SKAP1: variants seen among roughly 807,000 people sequenced by gnomAD.
SKAP1 encodes src kinase associated phosphoprotein 1, also known as src kinase-associated phosphoprotein 1.
SKAP1 carries 44 observed loss-of-function variants against 58.5 expected under a neutral mutation model. The observed-to-expected ratio is 0.75, with a 90% CI of 0.59 to 0.97. SKAP1 has a LOEUF of 0.97. Among genes scored for constraint, SKAP1 ranks in the 50% least tolerant of loss-of-function variants. The pLI is 0.00. For synonymous variants in SKAP1, 127 were observed against 149.7 expected, an observed-to-expected ratio of 0.85 and a Z score of 1.11; for missense variants, 390 against 435.2, an observed-to-expected ratio of 0.90 and a Z score of 0.92.
intron 2 of SKAP1, among the ~76,000 whole-genome samples, chr17:48,389,411 A>G (rs1429246152): frequency 2.0e-5 from 3 of 152,260 alleles, no homozygotes; most frequent in African/African-American, 4.8e-5. Context: ...AGAAATATGA[A>G]GAAACTACAT....
chr17:48,430,017 T>TG (rs2067898098), intron 1 of SKAP1, 58 bp downstream of exon 1: 20 of 1,235,752 alleles, frequency 1.6e-5, no homozygotes, highest in Admixed American at 4.2e-5. Context: ...GTGGGAGGCC[T>TG]GGTGTCCCCT....
At chr17:48,173,573 T>C (rs2064246555) in intron 9 of SKAP1, among the ~76,000 whole-genome samples, 1 of 152,218 alleles carries the variant, frequency 6.6e-6, no homozygotes, top group Non-Finnish European at 1.5e-5. Context: ...GTTTTAGAGA[T>C]ACCCAATAAT....
chr17:48,377,949 C>A (rs997332323), intron 2 of SKAP1, among the ~76,000 whole-genome samples: 4 of 152,214 alleles, frequency 2.6e-5, no homozygotes, highest in African/African-American at 7.2e-5. Context: ...CCAAACTTCT[C>A]CTACCCCTGT....
At chr17:48,384,852 A>C (rs2067257045) in intron 2 of SKAP1, among the ~76,000 whole-genome samples, 1 of 152,176 alleles carries the variant, frequency 6.6e-6, no homozygotes, top group Non-Finnish European at 1.5e-5. Context: ...GGAGAACTGC[A>C]GCTGAGCTGT....
chr17:48,340,930 G>A (rs2066642885), intron 4 of SKAP1, among the ~76,000 whole-genome samples: 1 of 152,158 alleles, frequency 6.6e-6, no homozygotes, highest in Non-Finnish European at 1.5e-5. Flanking sequence ...AAGAGTAGAT[G>A]TCTACAGAGG....
intron 4 of SKAP1, among the ~76,000 whole-genome samples, chr17:48,270,753 A>G (rs1196725809): frequency 2.6e-5 from 4 of 152,128 alleles, no homozygotes; most frequent in African/African-American, 9.7e-5. Flanking sequence ...TTTTTTACCA[A>G]AAAAGTAGAT....
intron 1 of SKAP1, among the ~76,000 whole-genome samples, chr17:48,416,463 A>C (rs1378318465): frequency 6.6e-6 from 1 of 152,188 alleles, no homozygotes; most frequent in Non-Finnish European, 1.5e-5. Context: ...GGTGGTGGGC[A>C]GGGACTAAAA....
intron 11 of SKAP1, among the ~76,000 whole-genome samples, chr17:48,138,516 C>CCT (rs1714238793): frequency 6.6e-6 from 1 of 151,640 alleles, no homozygotes; most frequent in Non-Finnish European, 1.5e-5. Flanking sequence ...ATTACAGGCG[C>CCT]GCACCACCAC....
chr17:48,292,507 A>C (rs1434670371), intron 4 of SKAP1, among the ~76,000 whole-genome samples: 3 of 152,236 alleles, frequency 2.0e-5, no homozygotes, highest in Non-Finnish European at 4.4e-5. Context: ...ACATATTTTA[A>C]GATACCAAGA....
At chr17:48,184,902 G>A in intron 6 of SKAP1, 55 bp from the exon 7 acceptor site, 1 of 1,565,228 alleles carries the variant, frequency 6.4e-7, no homozygotes, top group South Asian at 1.1e-5. Context: ...GCCAAGGGAA[G>A]GCATCCTCTC....
chr17:48,152,719 C>T (rs1452576070), intron 11 of SKAP1, among the ~76,000 whole-genome samples: 1 of 152,202 alleles, frequency 6.6e-6, no homozygotes, highest in Non-Finnish European at 1.5e-5. Flanking sequence ...TAAAAAATTA[C>T]TCAGTGATGA....
At chr17:48,322,770 C>A (rs2066385407) in intron 4 of SKAP1, among the ~76,000 whole-genome samples, 1 of 152,208 alleles carries the variant, frequency 6.6e-6, no homozygotes, top group Admixed American at 6.5e-5. Flanking sequence ...GGGCACATAG[C>A]CCCTGTGAAA....
chr17:48,147,667 TG>T (rs2063848194), intron 11 of SKAP1, among the ~76,000 whole-genome samples: 1 of 152,134 alleles, frequency 6.6e-6, no homozygotes, highest in African/African-American at 2.4e-5. Flanking sequence ...TGTTGGAACT[TG>T]TGAAAGGATC....
At chr17:48,278,213 C>T (rs775210005) in intron 4 of SKAP1, among the ~76,000 whole-genome samples, 1 of 152,098 alleles carries the variant, frequency 6.6e-6, no homozygotes, top group Non-Finnish European at 1.5e-5. Flanking sequence ...TATCTCTATC[C>T]CCCATTAGGC....
At chr17:48,361,291 C>T (rs1208334027) in intron 3 of SKAP1, among the ~76,000 whole-genome samples, 3 of 151,550 alleles carry the variant, frequency 2.0e-5, no homozygotes, top group South Asian at 2.1e-4. Flanking sequence ...CTGCAACCTC[C>T]GTCTCCCAGG....
At chr17:48,212,042 C>T (rs2064878698) in intron 4 of SKAP1, among the ~76,000 whole-genome samples, 2 of 150,496 alleles carry the variant, frequency 1.3e-5, no homozygotes, top group African/African-American at 2.5e-5. Flanking sequence ...GCCACGAACC[C>T]AGAACTGGGG....
At chr17:48,409,947 A>G (rs997306113) in intron 1 of SKAP1, among the ~76,000 whole-genome samples, 1 of 152,210 alleles carries the variant, frequency 6.6e-6, no homozygotes, top group African/African-American at 2.4e-5. Context: ...ATCTAACTGT[A>G]TTACAAATCT....
At chr17:48,146,165 C>T (rs1439409272) in intron 11 of SKAP1, among the ~76,000 whole-genome samples, 1 of 152,028 alleles carries the variant, frequency 6.6e-6, no homozygotes. Context: ...TATCCTCGCG[C>T]TCCCCACACA....
chr17:48,274,100 A>T (rs905048249), intron 4 of SKAP1, among the ~76,000 whole-genome samples: 1 of 152,128 alleles, frequency 6.6e-6, no homozygotes, highest in African/African-American at 2.4e-5. Context: ...ATTAAAAAAA[A>T]TTTTTAGGCC....
Sources: allele counts gnomAD v4.1 joint callset (sites outside exome capture counted in the v4.1 genomes callset), GRCh38; gene constraint gnomAD v4.1.1; transcripts MANE v1.5; gene names NCBI Gene and HGNC (gene_info 2026-07-23, HGNC 2026-07-21).